BCAS3: variants seen among roughly 807,000 people sequenced by gnomAD.
BCAS3 encodes BCAS3 microtubule associated cell migration factor.
In BCAS3, 53 loss-of-function variants were observed where a neutral mutation model predicts 116.1. The observed-to-expected ratio is 0.46, with a 90% CI of 0.37 to 0.57. The LOEUF (loss-of-function observed/expected upper bound fraction) is 0.57. Ranked by LOEUF, BCAS3 falls within the 20% of genes least tolerant of loss-of-function variation. BCAS3 has a pLI of 0.00. For synonymous variants in BCAS3, 391 were observed against 408.2 expected, an observed-to-expected ratio of 0.96 and a Z score of 0.51; for missense variants, 917 against 1,165.4, an observed-to-expected ratio of 0.79 and a Z score of 3.10.
At chr17:60,973,485 T>C (rs2062089724) in intron 14 of BCAS3, among the ~76,000 whole-genome samples, 1 of 151,924 alleles carries the variant, frequency 6.6e-6, no homozygotes, top group African/African-American at 2.4e-5. Flanking sequence ...AATCAAGATA[T>C]AGAATAGTTT....
chr17:60,909,736 G>C (rs1213942712), intron 11 of BCAS3, among the ~76,000 whole-genome samples: 1 of 152,002 alleles, frequency 6.6e-6, no homozygotes, highest in Non-Finnish European at 1.5e-5. Flanking sequence ...TTCTATTAAT[G>C]CATATGAAGA....
rs4968552 is a variant in BCAS3, at chr17:61,286,622, G to T, written c.2426-81705G>T. Among the ~76,000 whole-genome samples, 19,007 of 152,052 alleles carry T rather than the reference G, an allele frequency of 0.13. 1,225 individuals are homozygous for T. Among genetic ancestry groups the T allele is most frequent in the South Asian group, 0.2 (953 of 4,820 alleles). On this transcript the variant is annotated intron_variant, in intron 22 of 23. Coordinates refer to ENST00000407086, the MANE Select transcript of BCAS3 (RefSeq NM_017679.5). This position sits in a 1 kb window ranked among gnomAD's most constrained non-coding sequence, Gnocchi z 4.8. The stretch of plus-strand genomic sequence containing the variant: ...ACAGTGTGCCAGGATCTGTGGGCAC[G>T]CTGTTAGCAGGGCTAAGTTAAATAC...
intron 6 of BCAS3, among the ~76,000 whole-genome samples, chr17:60,776,718 C>CA (rs749033165): frequency 0.025 from 1,129 of 45,676 alleles, 16 homozygotes; most frequent in Non-Finnish European, 0.03. Context: ...GACTCCGTCT[C>CA]AAAAAAAAAA....
In BCAS3 at chr17:61,390,994, G is replaced by A. The variant is rs567118022; in HGVS notation, c.2594-983G>A. ...TGTGTGCCCATATGTCAGAGCCCCC[G>A]GGGGAGACTGAAAGGGAATCGGAAC... On this transcript the variant is annotated intron_variant, in intron 23 of 23. Coordinates refer to ENST00000407086, the MANE Select transcript of BCAS3 (RefSeq NM_017679.5). The surrounding 1 kb of genome is among the most constrained non-coding windows in gnomAD (Gnocchi z 6.8). 5.9e-5 allele frequency: 9 copies of A among 152,276 alleles called. No homozygotes were observed. The highest frequency in any genetic ancestry group is 7.3e-5 in the Non-Finnish European group (5 of 68,038). The allele number at this position is 152,276 out of a possible 1,614,324, so 9.4% of individuals were successfully genotyped here. A position where few individuals can be genotyped will look rare whatever the true frequency, so the allele number is the denominator to read the frequency against.
rs1419419224 is a variant in BCAS3 at position 61,139,938 on chromosome 17, A to G, written c.2425+55374A>G. Among the ~76,000 whole-genome samples, 3 of 152,192 alleles carry G rather than the reference A, an allele frequency of 2.0e-5. No homozygotes were observed. The highest frequency in any genetic ancestry group is 7.2e-5 in the African/African-American group (3 of 41,448). ...TTGAGGAAAGGGATACCTACTGTCAAGACACAAAGTGATATGACCGGGCAC... is the reference window on the plus strand; with the variant it reads ...TTGAGGAAAGGGATACCTACTGTCAGGACACAAAGTGATATGACCGGGCAC... On this transcript the variant is annotated intron_variant, in intron 22 of 23. Transcript: ENST00000407086. This position sits in a 1 kb window ranked among gnomAD's most constrained non-coding sequence, Gnocchi z 4.7.
intron 22 of BCAS3, among the ~76,000 whole-genome samples, chr17:61,357,265 TA>T (rs66473348): frequency 0.46 from 64,605 of 140,998 alleles, 18,020 homozygotes; most frequent in Non-Finnish European, 0.64. Context: ...AATAAATAAA[TA>T]AATTAATTAA....
chr17:61,272,469 C>T (rs2050365867), intron 22 of BCAS3, among the ~76,000 whole-genome samples: 1 of 150,506 alleles, frequency 6.6e-6, no homozygotes, highest in African/African-American at 2.4e-5. Flanking sequence ...CCTGTCTCTA[C>T]AAAAAATACA....
At chr17:61,035,012 T>C (rs967121997) in intron 17 of BCAS3, among the ~76,000 whole-genome samples, 1 of 152,174 alleles carries the variant, frequency 6.6e-6, no homozygotes, top group African/African-American at 2.4e-5. Context: ...GATTTTGTTT[T>C]GTTTTGTTGG....
At position 60,967,099 on chromosome 17, in the gene BCAS3, ATAGAG is replaced by A. The variant is rs1340722200; in HGVS notation, c.1221+19750_1221+19754del. Among the ~76,000 whole-genome samples, 1 of 152,220 alleles carries A rather than the reference ATAGAG, an allele frequency of 6.6e-6. No individual in the cohort carries two copies. The highest frequency in any genetic ancestry group is 2.4e-5 in the African/African-American group (1 of 41,460). ...TGGATTGTACACCACCATTTCAGTTATAGAGTATTTTGTGTTTCACCATGTACTTT... is the reference window on the plus strand; with the variant it reads ...TGGATTGTACACCACCATTTCAGTTATATTTTGTGTTTCACCATGTACTTT... On this transcript the variant is annotated intron_variant, in intron 14 of 23. Coordinates refer to ENST00000407086, the MANE Select transcript of BCAS3 (RefSeq NM_017679.5). This position sits in a 1 kb window ranked among gnomAD's most constrained non-coding sequence, Gnocchi z 4.7.
rs568587944 is a variant in BCAS3, at chr17:60,781,160, G to T, written c.404-26844G>T. 4.0e-5 allele frequency among the ~76,000 whole-genome samples: 6 copies of T among 151,732 alleles called. No individual in the cohort carries two copies. The East Asian group carries it at 1.2e-3, about 30-fold the overall frequency. On this transcript the variant is annotated intron_variant, in intron 6 of 23. Coordinates refer to ENST00000407086, the MANE Select transcript of BCAS3 (RefSeq NM_017679.5). ...AATTTTTGTATTTTTAGTAGAGATG[G>T]GGTCTCACCATGTTGGCTAGGCTGG...
At chr17:61,009,872 AG>A (rs2064988523) in intron 15 of BCAS3, among the ~76,000 whole-genome samples, 1 of 152,034 alleles carries the variant, frequency 6.6e-6, no homozygotes, top group South Asian at 2.1e-4. Context: ...ATAAAACAGA[AG>A]GGAGTCTAAC....
intron 19 of BCAS3, among the ~76,000 whole-genome samples, chr17:61,059,851 C>A (rs2069800011): frequency 6.6e-6 from 1 of 152,080 alleles, no homozygotes; most frequent in African/African-American, 2.4e-5. Context: ...CATGGTGAAA[C>A]CCTGTCTCTA....
chr17:61,287,140 G>C (rs932753862), intron 22 of BCAS3, among the ~76,000 whole-genome samples: 47 of 151,656 alleles, frequency 3.1e-4, no homozygotes, highest in Non-Finnish European at 4.4e-5. Context: ...CTTAGCTACT[G>C]GGGAGGCTGA....
chr17:61,148,704 G>A (rs1446507827), intron 22 of BCAS3, among the ~76,000 whole-genome samples: 2 of 152,032 alleles, frequency 1.3e-5, no homozygotes, highest in Non-Finnish European at 2.9e-5. Flanking sequence ...TTGTATTTGC[G>A]CACTCTCAAC....
chr17:60,755,904 T>C (rs751594955), intron 6 of BCAS3, among the ~76,000 whole-genome samples: 2 of 152,210 alleles, frequency 1.3e-5, no homozygotes, highest in Non-Finnish European at 1.5e-5. Flanking sequence ...ATTTTAGGTA[T>C]CCATCACCTG....
intron 8 of BCAS3, among the ~76,000 whole-genome samples, chr17:60,870,494 C>T (rs1270773397): frequency 1.3e-5 from 2 of 151,858 alleles, no homozygotes. Context: ...GTATGGCAGG[C>T]AATGTTAAGG....
rs1053671604 is a variant in BCAS3 at position 61,381,232 on chromosome 17, A to G, written c.2594-10745A>G. On this transcript the variant is annotated intron_variant, in intron 23 of 23. Transcript: ENST00000407086. This position sits in a 1 kb window ranked among gnomAD's most constrained non-coding sequence, Gnocchi z 6.0. Reference sequence around the variant, plus strand: ...TCTTAATACACCAAAGTGGAATTGCATTTCTAGATTTGTTATTCCTCCTGG... The same window carrying G: ...TCTTAATACACCAAAGTGGAATTGCGTTTCTAGATTTGTTATTCCTCCTGG... Among the ~76,000 whole-genome samples, 1 of 152,228 alleles carries G rather than the reference A, an allele frequency of 6.6e-6. No homozygotes were observed. The highest frequency in any genetic ancestry group is 2.4e-5 in the African/African-American group (1 of 41,456).
chr17:60,702,314 A>G (rs1298369362), intron 4 of BCAS3, among the ~76,000 whole-genome samples: 3 of 152,152 alleles, frequency 2.0e-5, no homozygotes, highest in Non-Finnish European at 2.9e-5. Flanking sequence ...TTTCTAGTAA[A>G]TTGCTGTGTC....
rs1022417057 is a variant in BCAS3 at position 61,258,128 on chromosome 17, A to G, written c.2426-110199A>G. Among the ~76,000 whole-genome samples, 4 of 152,106 alleles carry G rather than the reference A, an allele frequency of 2.6e-5. No homozygotes were observed. The highest frequency in any genetic ancestry group is 7.2e-5 in the African/African-American group (3 of 41,414). On this transcript the variant is annotated intron_variant, in intron 22 of 23. Coordinates refer to ENST00000407086, the MANE Select transcript of BCAS3 (RefSeq NM_017679.5). This position sits in a 1 kb window ranked among gnomAD's most constrained non-coding sequence, Gnocchi z 4.7. ...GATTTCTACTCACCTTTCAAGGTTT[A>G]GAGAAAATAGCGCTCTTCCTTGCAA...
Sources: gnomAD v4.1 joint callset for allele counts (sites outside exome capture counted in the v4.1 genomes callset) on GRCh38, gnomAD v4.1.1 for gene constraint, Gnocchi (gnomAD v3.1) non-coding constraint, MANE v1.5 for transcripts, NCBI Gene and HGNC (gene_info 2026-07-23, HGNC 2026-07-21) for gene names.